The following PPP1R9A variants were observed in gnomAD, a reference collection of about 807,000 sequenced individuals.
PPP1R9A encodes protein phosphatase 1 regulatory subunit 9A.
Under a neutral mutation model 141.9 loss-of-function variants are expected in PPP1R9A, and 59 were observed. The observed-to-expected ratio is 0.42, with a 90% CI of 0.34 to 0.52. The LOEUF (loss-of-function observed/expected upper bound fraction) is 0.52. Among genes scored for constraint, PPP1R9A ranks in the 20% least tolerant of loss-of-function variants. PPP1R9A has a pLI of 0.10. For synonymous variants in PPP1R9A, 500 were observed against 569.7 expected (o/e 0.88, Z 1.74); for missense variants, 1,444 against 1,611.9 (o/e 0.90, Z 1.78).
chr7:95,087,901 AAG>A (rs200581736), intron 2 of PPP1R9A, among the ~76,000 whole-genome samples: 3 of 151,574 alleles, frequency 2.0e-5, no homozygotes, highest in Non-Finnish European at 4.4e-5. Context: ...TCTCAAAAAA[AAG>A]AGAGAGAGAA....
chr7:95,142,501 T>A (rs948013990), intron 4 of PPP1R9A, among the ~76,000 whole-genome samples: 1 of 152,062 alleles, frequency 6.6e-6, no homozygotes, highest in Non-Finnish European at 1.5e-5. Flanking sequence ...TATATTTAGG[T>A]CTATGATCCA....
intron 2 of PPP1R9A, among the ~76,000 whole-genome samples, chr7:94,918,225 A>T (rs896677340): frequency 6.6e-6 from 1 of 152,074 alleles, no homozygotes; most frequent in African/African-American, 2.4e-5. Context: ...CCTGGTTCTC[A>T]TCTCTTTAGT....
intron 2 of PPP1R9A, among the ~76,000 whole-genome samples, chr7:95,053,739 A>G (rs1430795504): frequency 6.6e-6 from 1 of 152,176 alleles, no homozygotes; most frequent in African/African-American, 2.4e-5. Context: ...GGTGGTCTGT[A>G]AAGTAGGCTT....
At chr7:95,074,308 C>A (rs1814479029) in intron 2 of PPP1R9A, among the ~76,000 whole-genome samples, 1 of 152,114 alleles carries the variant, frequency 6.6e-6, no homozygotes, top group Middle Eastern at 3.4e-3. Flanking sequence ...TATTGATCCC[C>A]CATTACAAGC....
At chr7:95,260,876 ATTTCT>A (rs2153031099) in intron 12 of PPP1R9A, among the ~76,000 whole-genome samples, 1 of 152,258 alleles carries the variant, frequency 6.6e-6, no homozygotes, top group South Asian at 2.1e-4. Flanking sequence ...AATGTGAGTA[ATTTCT>A]TTTCAAGGAA....
intron 2 of PPP1R9A, among the ~76,000 whole-genome samples, chr7:94,930,622 G>C (rs1794041788): frequency 1.3e-5 from 2 of 152,156 alleles, no homozygotes; most frequent in South Asian, 4.1e-4. Flanking sequence ...TTACAGGCGT[G>C]AACCACCATG....
chr7:94,929,063 A>G (rs776338618), intron 2 of PPP1R9A, among the ~76,000 whole-genome samples: 2 of 152,366 alleles, frequency 1.3e-5, no homozygotes, highest in Admixed American at 6.5e-5. Context: ...TCTTACATTA[A>G]TATAGACCTA....
chr7:94,982,045 A>T (rs1442074322), intron 2 of PPP1R9A, among the ~76,000 whole-genome samples: 1 of 150,154 alleles, frequency 6.7e-6, no homozygotes, highest in Admixed American at 6.7e-5. Flanking sequence ...TCATCGTTCA[A>T]TTCCCATCTA....
chr7:95,189,955 A>AT (rs1835255427), intron 5 of PPP1R9A, among the ~76,000 whole-genome samples: 2 of 151,630 alleles, frequency 1.3e-5, no homozygotes, highest in Admixed American at 1.3e-4. Flanking sequence ...CATATACTGT[A>AT]TTTTTTCCTT....
intron 2 of PPP1R9A, among the ~76,000 whole-genome samples, chr7:95,076,950 G>A (rs1056666249): frequency 5.9e-5 from 9 of 151,620 alleles, no homozygotes; most frequent in African/African-American, 2.2e-4. Flanking sequence ...TCTTTCCAAC[G>A]TTTATGCCTT....
intron 8 of PPP1R9A, among the ~76,000 whole-genome samples, chr7:95,232,752 A>G (rs1796150221): frequency 6.6e-6 from 1 of 152,254 alleles, no homozygotes; most frequent in African/African-American, 2.4e-5. Flanking sequence ...TATGTGGCCA[A>G]CAAACATATG....
intron 7 of PPP1R9A, among the ~76,000 whole-genome samples, chr7:95,205,101 T>C (rs1352449514): frequency 1.3e-5 from 2 of 152,146 alleles, no homozygotes; most frequent in Non-Finnish European, 2.9e-5. Context: ...ATTCTTCATA[T>C]ATGGAGATGT....
chr7:95,053,870 A>G (rs2152017283), intron 2 of PPP1R9A, among the ~76,000 whole-genome samples: 1 of 152,328 alleles, frequency 6.6e-6, no homozygotes, highest in Admixed American at 6.5e-5. Context: ...AACAAAATTC[A>G]TTATACATTG....
At chr7:95,075,237 A>G (rs550591199) in intron 2 of PPP1R9A, among the ~76,000 whole-genome samples, 1 of 152,254 alleles carries the variant, frequency 6.6e-6, no homozygotes, top group African/African-American at 2.4e-5. Context: ...GTCATTCTTC[A>G]AAATATCTTT....
intron 2 of PPP1R9A, among the ~76,000 whole-genome samples, chr7:95,078,877 T>G (rs959516511): frequency 3.3e-5 from 5 of 152,134 alleles, no homozygotes; most frequent in African/African-American, 4.8e-5. Context: ...ATTCTGGATA[T>G]TAGCCCTTTG....
chr7:95,231,596 C>T (rs971867085), intron 8 of PPP1R9A, among the ~76,000 whole-genome samples: 1 of 152,000 alleles, frequency 6.6e-6, no homozygotes, highest in African/African-American at 2.4e-5. Context: ...GAAAGGCACC[C>T]TCAAAACAAT....
At chr7:95,147,867 CT>C (rs1827925950) in intron 4 of PPP1R9A, among the ~76,000 whole-genome samples, 1 of 152,058 alleles carries the variant, frequency 6.6e-6, no homozygotes. Flanking sequence ...TGATGGATAA[CT>C]TTTTTGATGT....
chr7:95,129,050 T>A (rs1824094525), intron 4 of PPP1R9A, among the ~76,000 whole-genome samples: 1 of 152,200 alleles, frequency 6.6e-6, no homozygotes, highest in Admixed American at 6.5e-5. Flanking sequence ...AGGGGTCCAG[T>A]TGCATTCTTC....
intron 2 of PPP1R9A, among the ~76,000 whole-genome samples, chr7:94,966,745 A>G (rs1798261529): frequency 6.6e-6 from 1 of 152,076 alleles, no homozygotes; most frequent in African/African-American, 2.4e-5. Context: ...TTTCGTATTG[A>G]TGTTCTTCAG....
Sources: allele counts gnomAD v4.1 joint callset (sites outside exome capture counted in the v4.1 genomes callset), GRCh38; gene constraint gnomAD v4.1.1; transcripts MANE v1.5; gene names NCBI Gene and HGNC (gene_info 2026-07-23, HGNC 2026-07-21).